The following OCA2 variants were observed in gnomAD, a reference collection of about 807,000 sequenced individuals.
OCA2 encodes OCA2 melanosomal transmembrane protein.
OCA2 carries 77 observed loss-of-function variants against 100.2 expected under a neutral mutation model. The ratio of observed to expected loss-of-function variants is 0.77; its 90% confidence interval spans 0.64 to 0.93. The LOEUF is 0.93. OCA2 is among the 40% of genes least tolerant of loss of function. The probability of loss-of-function intolerance (pLI) is 0.00; values close to 1 mark genes in which losing one functional copy is unlikely to be tolerated. For missense variants in OCA2, 1,062 were observed against 1,089.1 expected (o/e 0.98, Z 0.35); for synonymous variants, 432 against 439.2 (o/e 0.98, Z 0.21).
intron 19 of OCA2, among the ~76,000 whole-genome samples, chr15:27,913,895 GC>G (rs1567098520): frequency 0.26 from 10,024 of 38,064 alleles, 1,750 homozygotes; most frequent in East Asian, 0.69. Context: ...AAGAAAGAAA[GC>G]AAGCAAGCAA....
intron 23 of OCA2, among the ~76,000 whole-genome samples, chr15:27,780,999 T>A (rs146558255): frequency 3.4e-4 from 52 of 152,336 alleles, no homozygotes; most frequent in African/African-American, 1.3e-3. Context: ...AAGCTGAGTG[T>A]CTCTTCTCAT....
At chr15:28,017,484 A>G (rs150748618) in intron 7 of OCA2, among the ~76,000 whole-genome samples, 264 of 152,290 alleles carry the variant, frequency 1.7e-3, no homozygotes, top group Middle Eastern at 3.4e-3. Flanking sequence ...ATCACCAAGG[A>G]GCCCCTTGCC....
intron 23 of OCA2, among the ~76,000 whole-genome samples, chr15:27,769,629 C>A (rs1305382896): frequency 6.6e-6 from 1 of 151,332 alleles, no homozygotes; most frequent in Non-Finnish European, 1.5e-5. Flanking sequence ...CCTGTTCCCC[C>A]TAAAACCTAT....
intron 18 of OCA2, among the ~76,000 whole-genome samples, chr15:27,931,935 T>C (rs972935130): frequency 6.6e-6 from 1 of 152,200 alleles, no homozygotes; most frequent in Non-Finnish European, 1.5e-5. Flanking sequence ...TAAATCCAAA[T>C]TGTTCTGTAT....
intron 23 of OCA2, among the ~76,000 whole-genome samples, chr15:27,764,407 C>G (rs1194882839): frequency 1.3e-5 from 2 of 152,184 alleles, no homozygotes; most frequent in Admixed American, 6.5e-5. Flanking sequence ...GCCCTTATCT[C>G]ATAAAGATGC....
intron 18 of OCA2, among the ~76,000 whole-genome samples, chr15:27,937,390 A>G (rs141833610): frequency 6.6e-6 from 1 of 152,298 alleles, no homozygotes; most frequent in East Asian, 1.9e-4. Context: ...TTGGTGTGCA[A>G]ATGTACATAT....
At chr15:27,911,572 G>A (rs916632919) in intron 19 of OCA2, among the ~76,000 whole-genome samples, 1 of 152,138 alleles carries the variant, frequency 6.6e-6, no homozygotes, top group Admixed American at 6.5e-5. Context: ...CACATGGCAG[G>A]AGCAGAAGTG....
At chr15:28,050,632 C>T (rs147056011) in intron 2 of OCA2, among the ~76,000 whole-genome samples, 3 of 151,722 alleles carry the variant, frequency 2.0e-5, no homozygotes, top group Admixed American at 6.6e-5. Context: ...AGCATACGCA[C>T]GCATCCTCTT....
chr15:28,022,823 A>C lies in OCA2; in HGVS notation c.574-250T>G, dbSNP rs148755931. Among the ~76,000 whole-genome samples, 588 of 152,330 alleles carry C rather than the reference A, an allele frequency of 3.9e-3. 4 individuals are homozygous for C. The highest frequency in any genetic ancestry group is 0.013 in the African/African-American group (557 of 41,572). ...GATTAAATGCCTGGCCATAAAATTA[A>C]ATCATCGAAGAAGGATAAATGTGGT... On this transcript the variant is annotated intron_variant, in intron 5 of 23. Transcript: ENST00000354638.
At chr15:27,726,340 T>C in the OCA2 span, among the ~76,000 whole-genome samples, 14 of 142,406 alleles carry the variant, frequency 9.8e-5, no homozygotes, top group African/African-American at 2.8e-4. Flanking sequence ...AATAAATAAA[T>C]AAAAATAGTT....
intron 2 of OCA2, among the ~76,000 whole-genome samples, chr15:28,069,547 C>A (rs1441545384): frequency 1.4e-5 from 2 of 139,766 alleles, no homozygotes; most frequent in African/African-American, 5.7e-5. Context: ...CGAATGCCTG[C>A]GATTGCAGGC....
intron 2 of OCA2, among the ~76,000 whole-genome samples, chr15:28,066,875 T>C (rs1278568049): frequency 3.9e-5 from 6 of 152,222 alleles, no homozygotes; most frequent in African/African-American, 9.7e-5. Context: ...TTCTATTGAT[T>C]CCATGGCTTT....
intron 21 of OCA2, among the ~76,000 whole-genome samples, chr15:27,854,546 CT>C (rs1050420024): frequency 6.6e-6 from 1 of 152,210 alleles, no homozygotes; most frequent in Non-Finnish European, 1.5e-5. Context: ...GTCTATCAAT[CT>C]GATGCAGAAT....
chr15:27,843,905 A>G (rs1595502252), intron 23 of OCA2, among the ~76,000 whole-genome samples: 3 of 152,110 alleles, frequency 2.0e-5, no homozygotes, highest in African/African-American at 2.4e-5. Flanking sequence ...GTTCTCTGCC[A>G]CTCAACCAAA....
chr15:27,960,561 G>A (rs149728097), intron 15 of OCA2, among the ~76,000 whole-genome samples: 2 of 152,102 alleles, frequency 1.3e-5, no homozygotes, highest in East Asian at 3.9e-4. Flanking sequence ...CTATAAACCT[G>A]CCCCTGCTTA....
chr15:27,722,154 T>G, the OCA2 span, among the ~76,000 whole-genome samples: 9 of 152,258 alleles, frequency 5.9e-5, no homozygotes, highest in Non-Finnish European at 2.9e-5. Flanking sequence ...CAAGAATGTG[T>G]GCCGTTCAGT....
chr15:27,741,616 T>G, the OCA2 span, among the ~76,000 whole-genome samples: 26 of 152,270 alleles, frequency 1.7e-4, no homozygotes, highest in Non-Finnish European at 2.6e-4. Context: ...AGCTAATTAT[T>G]TATGAGGGTC....
intron 9 of OCA2, among the ~76,000 whole-genome samples, chr15:28,006,842 C>T (rs1195025276): frequency 6.6e-6 from 1 of 152,228 alleles, no homozygotes; most frequent in Non-Finnish European, 1.5e-5. Context: ...GAAAACCTAA[C>T]TTGGAGGTTT....
intron 19 of OCA2, among the ~76,000 whole-genome samples, chr15:27,880,667 G>A (rs915279712): frequency 3.3e-5 from 5 of 152,024 alleles, no homozygotes; most frequent in Admixed American, 3.3e-4. Context: ...CTTGTGTATT[G>A]TTGGTGTATA....
Sources: gnomAD v4.1 joint callset for allele counts (sites outside exome capture counted in the v4.1 genomes callset) on GRCh38, gnomAD v4.1.1 for gene constraint, MANE v1.5 for transcripts, NCBI Gene and HGNC (gene_info 2026-07-23, HGNC 2026-07-21) for gene names.